Variants in TRHDE observed in about 807,000 individuals in gnomAD.
TRHDE encodes thyrotropin releasing hormone degrading enzyme.
In TRHDE, 72 loss-of-function variants were observed where a neutral mutation model predicts 125.7. That is an observed-to-expected ratio of 0.57 (90% CI 0.47 to 0.70). TRHDE has a LOEUF of 0.70. Ranked by LOEUF, TRHDE falls within the 30% of genes least tolerant of loss-of-function variation. TRHDE has a pLI of 0.00. For missense variants in TRHDE, 1,110 were observed against 1,327.1 expected (o/e 0.84, Z 2.54); for synonymous variants, 509 against 509.1 (o/e 1.00, Z 0.00).
At chr12:72,516,521 T>C (rs1218006317) in intron 6 of TRHDE, among the ~76,000 whole-genome samples, 1 of 152,184 alleles carries the variant, frequency 6.6e-6, no homozygotes, top group East Asian at 1.9e-4. Flanking sequence ...CTGAAGTTGC[T>C]TATCAGCTTA....
At chr12:72,532,319 CTT>C (rs937709876) in intron 6 of TRHDE, among the ~76,000 whole-genome samples, 3 of 151,498 alleles carry the variant, frequency 2.0e-5, no homozygotes, top group Admixed American at 1.3e-4. Context: ...TTGCTATACT[CTT>C]TTATTGATTT....
chr12:72,338,517 T>TA (rs1178968469), intron 2 of TRHDE, among the ~76,000 whole-genome samples: 1 of 152,168 alleles, frequency 6.6e-6, no homozygotes, highest in Non-Finnish European at 1.5e-5. Flanking sequence ...CAAAAGGAGT[T>TA]AGAGTGTAGG....
intron 2 of TRHDE, among the ~76,000 whole-genome samples, chr12:72,121,742 G>C (rs1164275215): frequency 1.9e-5 from 1 of 51,722 alleles, no homozygotes; most frequent in Admixed American, 2.2e-4. Context: ...TTTTTTTTTT[G>C]ATGTGGATAG....
At chr12:72,088,574 T>C (rs574039280) in intron 1 of TRHDE, among the ~76,000 whole-genome samples, 126 of 152,120 alleles carry the variant, frequency 8.3e-4, no homozygotes, top group Non-Finnish European at 1.4e-3. Context: ...AGCTGTGTGA[T>C]CCTCAGCAGC....
chr12:72,534,100 T>C lies in TRHDE; in HGVS notation c.1723-8191T>C, dbSNP rs188741680. On this transcript the variant is annotated intron_variant, in intron 6 of 18. Coordinates refer to ENST00000261180, the MANE Select transcript of TRHDE (RefSeq NM_013381.3). Reference sequence around the variant, plus strand: ...GGAAGGAGTTGGTGGATACTTCTTTTAGCCAGGATCATGTTTCATTTGCAA... The same window carrying C: ...GGAAGGAGTTGGTGGATACTTCTTTCAGCCAGGATCATGTTTCATTTGCAA... 1.0e-3 allele frequency among the ~76,000 whole-genome samples: 157 copies of C among 152,296 alleles called. 1 individual carries two copies. The highest frequency in any genetic ancestry group is 3.7e-3 in the African/African-American group (154 of 41,584).
chr12:72,648,938 T>C (rs1322591103), intron 15 of TRHDE, among the ~76,000 whole-genome samples: 2 of 152,104 alleles, frequency 1.3e-5, no homozygotes, highest in African/African-American at 4.8e-5. Context: ...GTTCATGGAT[T>C]GGAAGAATTA....
chr12:72,563,908 G>C (rs1870307268), intron 9 of TRHDE, among the ~76,000 whole-genome samples: 1 of 152,110 alleles, frequency 6.6e-6, no homozygotes, highest in African/African-American at 2.4e-5. Context: ...CATTACCTTG[G>C]AAAATTAGGA....
At chr12:72,261,579 TC>T (rs1413712118) in intron 2 of TRHDE, among the ~76,000 whole-genome samples, 5 of 152,326 alleles carry the variant, frequency 3.3e-5, no homozygotes, top group Non-Finnish European at 5.9e-5. Flanking sequence ...TATTTATTGT[TC>T]ATTAGTAAGC....
Position 72,266,167 on chromosome 12 carries a change from A to T in TRHDE, n.280-111828A>T, listed in dbSNP as rs543428583. Among the ~76,000 whole-genome samples, 50 of 152,138 alleles carry T rather than the reference A, an allele frequency of 3.3e-4. 1 individual carries two copies. The highest frequency in any genetic ancestry group is 9.1e-4 in the African/African-American group (38 of 41,550). On this transcript the variant is annotated intron_variant and non_coding_transcript_variant, in intron 2 of 4. Transcript: ENST00000548156. ...GAATAAATGATTGGAAGACAGAAAA[A>T]CATATATGGACTAGAAGATACATGT...
At chr12:72,301,350 C>T (rs1403096814) in intron 2 of TRHDE, among the ~76,000 whole-genome samples, 1 of 152,054 alleles carries the variant, frequency 6.6e-6, no homozygotes, top group East Asian at 1.9e-4. Flanking sequence ...ATCAGAAGGG[C>T]CTCTGTGGGA....
At chr12:72,155,810 G>A (rs1277150983) in intron 2 of TRHDE, among the ~76,000 whole-genome samples, 1 of 152,180 alleles carries the variant, frequency 6.6e-6, no homozygotes, top group East Asian at 1.9e-4. Flanking sequence ...CTACTGGGGG[G>A]TGCCTCCCAG....
rs869290442 is a variant in TRHDE, at chr12:72,097,440, A to ATTTTTTTTTTT, written n.175-8191_175-8181dup. Among the ~76,000 whole-genome samples the ATTTTTTTTTTT allele has an allele frequency of 3.1e-3, 67 of 21,600 alleles. 1 individual carries two copies. The highest frequency in any genetic ancestry group is 6.1e-3 in the African/African-American group (64 of 10,532). The allele number at this position is 21,600 out of a possible 152,430, so 14.2% of individuals were successfully genotyped here. On this transcript the variant is annotated intron_variant and non_coding_transcript_variant, in intron 1 of 4. Transcript: ENST00000548156. ...CCTTGCAGTAGCATTTTCTCACTGA[A>ATTTTTTTTTTT]TTTTTTTTTTTTTTTTTTTTTTTTT...
intron 2 of TRHDE, among the ~76,000 whole-genome samples, chr12:72,178,866 C>A (rs2139340123): frequency 1.3e-5 from 2 of 152,160 alleles, no homozygotes; most frequent in African/African-American, 4.8e-5. Context: ...CAAGAAATAT[C>A]AAAATATTTC....
intron 18 of TRHDE, among the ~76,000 whole-genome samples, chr12:72,658,615 A>T (rs1368876233): frequency 6.6e-6 from 1 of 152,192 alleles, no homozygotes; most frequent in Non-Finnish European, 1.5e-5. Flanking sequence ...AATTGATTTT[A>T]TCACATACTG....
At chr12:72,588,891 G>A (rs982040336) in intron 12 of TRHDE, among the ~76,000 whole-genome samples, 1 of 152,148 alleles carries the variant, frequency 6.6e-6, no homozygotes, top group Non-Finnish European at 1.5e-5. Flanking sequence ...AAGCAAACAT[G>A]TCCTTCTTCA....
intron 12 of TRHDE, among the ~76,000 whole-genome samples, chr12:72,609,657 A>G (rs1394793542): frequency 6.6e-6 from 1 of 152,192 alleles, no homozygotes; most frequent in East Asian, 1.9e-4. Flanking sequence ...TATAATATAG[A>G]AAAGGCAAAA....
chr12:72,272,749 G>C lies in TRHDE; in HGVS notation c.106G>C (p.Glu36Gln). The C allele has an allele frequency of 6.6e-7, 1 of 1,517,484 alleles. No individual in the cohort carries two copies. The highest frequency in any genetic ancestry group is 8.8e-7 in the Non-Finnish European group (1 of 1,134,762). The allele number at this position is 1,517,484 out of a possible 1,614,324, so 94.0% of individuals were successfully genotyped here. ...KEEEEEEEGA[E>Q]KSSSPFAAAM... ...GGAGGAGGAGGAGGAGGAGGGGGCC[G>C]AGAAGAGCAGCTCACCCTTCGCAGC... The change falls in exon 1 of 19, where the codon GAG becomes CAG. Residue 36 changes from glutamate to glutamine, a missense_variant. Physicochemically the swap from Glu to Gln is conservative, Grantham distance 29. Coordinates refer to ENST00000261180, the MANE Select transcript of TRHDE (RefSeq NM_013381.3). The surrounding 1 kb of genome is among the most constrained non-coding windows in gnomAD (Gnocchi z 6.7).
chr12:72,544,229 T>A (rs1160956573), intron 7 of TRHDE, among the ~76,000 whole-genome samples: 1 of 151,482 alleles, frequency 6.6e-6, no homozygotes, highest in Non-Finnish European at 1.5e-5. Flanking sequence ...TAAATTATCA[T>A]CTCTTGTGCA....
intron 2 of TRHDE, among the ~76,000 whole-genome samples, chr12:72,230,976 A>T (rs769177585): frequency 6.6e-6 from 1 of 152,166 alleles, no homozygotes; most frequent in African/African-American, 2.4e-5. Context: ...ACCAAGTATT[A>T]ATATAAATTG....
Sources: allele counts gnomAD v4.1 joint callset (sites outside exome capture counted in the v4.1 genomes callset), GRCh38; gene constraint gnomAD v4.1.1; non-coding constraint Gnocchi (gnomAD v3.1); transcripts MANE v1.5; gene names NCBI Gene and HGNC (gene_info 2026-07-23, HGNC 2026-07-21).